Variants in GRIN2A observed in about 807,000 individuals in gnomAD.
GRIN2A encodes glutamate receptor ionotropic, NMDA 2A.
In GRIN2A, 22 loss-of-function variants were observed where a neutral mutation model predicts 113.4. The ratio of observed to expected loss-of-function variants is 0.19; its 90% CI spans 0.14 to 0.28. The LOEUF is 0.28. Among genes scored for constraint, GRIN2A ranks in the 10% least tolerant of loss-of-function variants. The pLI, the probability that GRIN2A is intolerant of heterozygous loss-of-function variation, is 1.00. For synonymous variants in GRIN2A, 827 were observed against 738.4 expected (o/e 1.12, Z -1.94); for missense variants, 1,502 against 1,887.0 (o/e 0.80, Z 3.78).
chr16:10,021,631 C>G (rs8057394), intron 2 of GRIN2A, among the ~76,000 whole-genome samples: 98,419 of 151,950 alleles, frequency 0.65, 32,918 homozygotes, highest in Middle Eastern at 0.8. Flanking sequence ...GGAGATGATG[C>G]ATAATGATGA....
intron 2 of GRIN2A, among the ~76,000 whole-genome samples, chr16:10,034,458 G>A (rs981395746): frequency 1.3e-5 from 2 of 150,072 alleles, no homozygotes; most frequent in African/African-American, 4.9e-5. Flanking sequence ...CCAGGAGGCG[G>A]AGGTTGCAGT....
chr16:9,816,860 G>A (rs1241666893), intron 10 of GRIN2A, among the ~76,000 whole-genome samples: 6 of 152,114 alleles, frequency 3.9e-5, no homozygotes, highest in Non-Finnish European at 7.3e-5. Context: ...CACCTATTCT[G>A]ATTCAGACTC....
intron 4 of GRIN2A, among the ~76,000 whole-genome samples, chr16:9,890,296 G>A (rs2043668681): frequency 6.6e-6 from 1 of 152,176 alleles, no homozygotes; most frequent in Non-Finnish European, 1.5e-5. Flanking sequence ...TTTAATTATG[G>A]AGGAGGAGGG....
chr16:10,087,261 AG>A lies in GRIN2A; in HGVS notation c.414+92736del, dbSNP rs148657619. Among the ~76,000 whole-genome samples, 629 of 152,348 alleles carry A rather than the reference AG, an allele frequency of 4.1e-3. 2 individuals carry two copies. Among genetic ancestry groups the A allele is most frequent in the African/African-American group, 0.014 (599 of 41,578 alleles). On this transcript the variant is annotated intron_variant, in intron 2 of 12. Transcript: ENST00000330684. ...CATTGGTTTTTATAAGGAATGTAAT[AG>A]ATTATGTTATTGTTCAAATATCTGC... is the stretch of plus-strand genomic sequence containing the variant.
At chr16:10,132,939 T>G (rs760744565) in intron 2 of GRIN2A, among the ~76,000 whole-genome samples, 1 of 152,160 alleles carries the variant, frequency 6.6e-6, no homozygotes, top group Admixed American at 6.5e-5. Context: ...AGAATCCATT[T>G]CTTACCTTTT....
intron 2 of GRIN2A, among the ~76,000 whole-genome samples, chr16:10,141,931 A>G (rs2049334285): frequency 6.6e-6 from 1 of 152,206 alleles, no homozygotes; most frequent in African/African-American, 2.4e-5. Flanking sequence ...CCACAGCACT[A>G]TGTCTAACCT....
intron 2 of GRIN2A, among the ~76,000 whole-genome samples, chr16:10,008,595 G>A (rs2046446984): frequency 6.6e-6 from 1 of 152,180 alleles, no homozygotes; most frequent in Admixed American, 6.5e-5. Flanking sequence ...CATAATCTCA[G>A]AAGCAGCAGT....
intron 8 of GRIN2A, among the ~76,000 whole-genome samples, chr16:9,833,052 T>G (rs1485746288): frequency 1.3e-5 from 2 of 152,210 alleles, no homozygotes; most frequent in African/African-American, 4.8e-5. Flanking sequence ...CTCTACCATA[T>G]CAAGTCATTT....
rs369821921 is a variant in GRIN2A, at chr16:10,036,449, C to CTTTTTTTTTTT, written c.415-97909_415-97899dup. 1.7e-3 allele frequency among the ~76,000 whole-genome samples: 76 copies of CTTTTTTTTTTT among 46,000 alleles called. 2 individuals carry two copies. Among genetic ancestry groups the CTTTTTTTTTTT allele is most frequent in the African/African-American group, 4.5e-3 (43 of 9,622 alleles). The allele number at this position is 46,000 out of a possible 152,430, so 30.2% of individuals were successfully genotyped here. On this transcript the variant is annotated intron_variant, in intron 2 of 12. Coordinates refer to ENST00000330684, the MANE Select transcript of GRIN2A (RefSeq NM_001134407.3). ...ATATTAGTACTTACTTTTTTTTTTT[C>CTTTTTTTTTTT]TTTTTTTTTTTTTTTTTTTTTTTTT... is the stretch of plus-strand genomic sequence containing the variant.
At chr16:9,849,645 G>A (rs552802765) in intron 5 of GRIN2A, 111 bp downstream of exon 5, 26 of 853,614 alleles carry the variant, frequency 3.0e-5, no homozygotes, top group Admixed American at 2.8e-4. Context: ...CTATAACGAC[G>A]TGTATTTTCT....
chr16:10,095,401 A>G (rs960983507), intron 2 of GRIN2A, among the ~76,000 whole-genome samples: 1 of 152,206 alleles, frequency 6.6e-6, no homozygotes, highest in Non-Finnish European at 1.5e-5. Context: ...AAATAACGAC[A>G]GTAATGGATT....
intron 3 of GRIN2A, among the ~76,000 whole-genome samples, chr16:9,895,157 T>TA (rs1433680470): frequency 6.6e-6 from 1 of 152,114 alleles, no homozygotes. Context: ...ACAATAAGTG[T>TA]AAAAATAGAG....
At chr16:9,923,177 A>G (rs2044390066) in intron 3 of GRIN2A, among the ~76,000 whole-genome samples, 1 of 152,048 alleles carries the variant, frequency 6.6e-6, no homozygotes, top group Non-Finnish European at 1.5e-5. Context: ...TTTTTGATGA[A>G]TTGACTCATT....
At chr16:9,801,253 T>TA (rs1205620956) in intron 10 of GRIN2A, among the ~76,000 whole-genome samples, 3 of 152,248 alleles carry the variant, frequency 2.0e-5, no homozygotes, top group Non-Finnish European at 4.4e-5. Context: ...GCAACGTCAA[T>TA]ACTTCCCGTA....
intron 2 of GRIN2A, among the ~76,000 whole-genome samples, chr16:10,059,153 G>A (rs1255579460): frequency 6.6e-6 from 1 of 152,164 alleles, no homozygotes; most frequent in African/African-American, 2.4e-5. Flanking sequence ...AGGAAATGGC[G>A]ACAAAGATGG....
chr16:9,770,775 G>C (rs1374153016), intron 11 of GRIN2A, among the ~76,000 whole-genome samples: 1 of 152,176 alleles, frequency 6.6e-6, no homozygotes, highest in Non-Finnish European at 1.5e-5. Context: ...TTTTTAAAAA[G>C]TTAATAGATT....
intron 2 of GRIN2A, among the ~76,000 whole-genome samples, chr16:9,957,284 G>T (rs2045330695): frequency 6.6e-6 from 1 of 152,118 alleles, no homozygotes. Flanking sequence ...ATTTAAGGGA[G>T]CTGCCCATGT....
chr16:10,143,009 T>A (rs1054858466), intron 2 of GRIN2A, among the ~76,000 whole-genome samples: 1 of 152,252 alleles, frequency 6.6e-6, no homozygotes, highest in African/African-American at 2.4e-5. Context: ...AGGAATTTGG[T>A]ATACTTAGGA....
rs1396587099 is a variant in GRIN2A at position 9,763,975 on chromosome 16, T to G, written c.3569A>C (p.His1190Pro). Residue 1190 changes from histidine (H) to proline (P), a missense_variant, in exon 13 of 13, where the codon CAC (histidine) becomes CCC (proline). Physicochemically the swap from His to Pro is moderately conservative, Grantham distance 77 (BLOSUM62 -2). Around this residue, in one of 7 missense-constraint regions of GRIN2A, gnomAD observed 832 missense variants for 789.7 expected, o/e 1.05. Coordinates refer to ENST00000330684, the MANE Select transcript of GRIN2A (RefSeq NM_001134407.3). Reference sequence around the variant, plus strand: ...GGAACCCTTGTCTTTCAAGGTGAAGTGCTTGGAGTAGAGTTTATACTGGTC... The same window carrying G: ...GGAACCCTTGTCTTTCAAGGTGAAGGGCTTGGAGTAGAGTTTATACTGGTC... ...NNDQYKLYSK[H>P]FTLKDKGSPH... is the part of the protein sequence containing the mutation. The G allele has an allele frequency of 1.9e-6, 3 of 1,614,038 alleles. No individual in the cohort carries two copies. The highest frequency in any genetic ancestry group is 2.2e-5 in the East Asian group (1 of 44,882).
Sources: allele counts gnomAD v4.1 joint callset (sites outside exome capture counted in the v4.1 genomes callset), GRCh38; gene constraint gnomAD v4.1.1; regional missense constraint gnomAD v4.1.1; transcripts MANE v1.5; gene names NCBI Gene and HGNC (gene_info 2026-07-23, HGNC 2026-07-21).